NHSL1: variants seen among roughly 807,000 people sequenced by gnomAD.
The protein encoded by NHSL1 is NHS-like protein 1.
Under a neutral mutation model 95.0 loss-of-function variants are expected in NHSL1, and 48 were observed. The ratio of observed to expected loss-of-function variants is 0.51; its 90% CI spans 0.40 to 0.64. The LOEUF is 0.64. Ranked by LOEUF, NHSL1 falls within the 30% of genes least tolerant of loss-of-function variation. The probability of loss-of-function intolerance (pLI) is 0.00; values close to 1 mark genes in which losing one functional copy is unlikely to be tolerated. For synonymous variants in NHSL1, 783 were observed against 833.9 expected, an observed-to-expected ratio of 0.94 and a Z score of 1.05; for missense variants, 1,971 against 2,077.7, an observed-to-expected ratio of 0.95 and a Z score of 1.00.
chr6:138,685,136 T>C (rs1266301899), intron 1 of NHSL1, among the ~76,000 whole-genome samples: 1 of 152,180 alleles, frequency 6.6e-6, no homozygotes, highest in Non-Finnish European at 1.5e-5. Flanking sequence ...TTTGCTATTC[T>C]CGATTTTAAA....
At chr6:138,598,969 A>G (rs1163825676) in intron 1 of NHSL1, among the ~76,000 whole-genome samples, 3 of 152,222 alleles carry the variant, frequency 2.0e-5, no homozygotes, top group South Asian at 2.1e-4. Context: ...CAAGAGTCCA[A>G]GGTCAGAGCT....
intron 1 of NHSL1, among the ~76,000 whole-genome samples, chr6:138,625,000 G>A (rs540905827): frequency 6.6e-6 from 1 of 152,134 alleles, no homozygotes; most frequent in Non-Finnish European, 1.5e-5. Flanking sequence ...GTGTGTGTGA[G>A]AGAGAGATAT....
At chr6:138,625,571 T>C (rs777600537) in intron 1 of NHSL1, among the ~76,000 whole-genome samples, 2 of 151,852 alleles carry the variant, frequency 1.3e-5, no homozygotes, top group Non-Finnish European at 2.9e-5. Flanking sequence ...CTTTATATAT[T>C]CTTGAAGAAT....
At position 138,433,241 on chromosome 6, in the gene NHSL1, G is replaced by A; in HGVS notation, c.1104C>T (p.Gly368=). Residue 368 remains glycine (G), a synonymous_variant, in exon 6 of 8, where the codon GGC becomes GGT. Transcript: ENST00000343505. ...RGHPQADENL[G]HLGGASGTGT... is the part of the protein sequence containing the mutation. ...CAGTCCCTGAGGCACCTCCTAAATG[G>A]CCTAAGTTTTCATCTGCTTGTGGGT... 1 of 1,551,326 alleles carries A rather than the reference G, an allele frequency of 6.4e-7. No homozygotes were observed.
chr6:138,595,034 C>T (rs964429724), intron 1 of NHSL1, among the ~76,000 whole-genome samples: 1 of 152,202 alleles, frequency 6.6e-6, no homozygotes, highest in African/African-American at 2.4e-5. Context: ...TTGCAAGTCA[C>T]TTTAGAAATT....
chr6:138,496,421 G>A (rs941895260), intron 1 of NHSL1, 50 bp from the exon 2 acceptor site: 12 of 1,527,232 alleles, frequency 7.9e-6, no homozygotes, highest in Admixed American at 2.0e-5. Context: ...CATTGGCTAC[G>A]AGTTCATTAC....
In NHSL1 at chr6:138,655,047, C is replaced by T. The variant is rs541225560; in HGVS notation, c.96+37429G>A. On this transcript the variant is annotated intron_variant, in intron 1 of 3. Transcript: ENST00000491526. Reference sequence around the variant, plus strand: ...TATTTGGGGAAACTAAAATCCATAACATATTCACCCACTGAAAGTGGCTAT... The same window carrying T: ...TATTTGGGGAAACTAAAATCCATAATATATTCACCCACTGAAAGTGGCTAT... Among the ~76,000 whole-genome samples, 83 of 152,238 alleles carry T rather than the reference C, an allele frequency of 5.5e-4. 1 individual carries two copies. Among genetic ancestry groups the T allele is most frequent in the African/African-American group, 1.8e-3 (75 of 41,548 alleles).
chr6:138,499,168 G>T, intron 1 of NHSL1, 65 bp downstream of exon 1: 1 of 1,041,986 alleles, frequency 9.6e-7, no homozygotes, highest in Non-Finnish European at 1.4e-6. Context: ...CAGACACACA[G>T]GGACATATAC....
At chr6:138,540,195 C>T (rs73557329) in intron 1 of NHSL1, among the ~76,000 whole-genome samples, 1 of 152,044 alleles carries the variant, frequency 6.6e-6, no homozygotes, top group Admixed American at 6.5e-5. Context: ...GAGGAAAGAA[C>T]CAGGAAGAAT....
At chr6:138,450,152 A>C (rs1777134759) in intron 3 of NHSL1, among the ~76,000 whole-genome samples, 1 of 152,128 alleles carries the variant, frequency 6.6e-6, no homozygotes, top group South Asian at 2.1e-4. Context: ...TGTGACACTT[A>C]AGTTTGATTT....
chr6:138,567,510 C>T (rs1277776154), intron 1 of NHSL1, among the ~76,000 whole-genome samples: 3 of 152,124 alleles, frequency 2.0e-5, no homozygotes, highest in Admixed American at 6.5e-5. Flanking sequence ...GAAACAGGAT[C>T]TTGACTTTTG....
Position 138,653,244 on chromosome 6 carries a change from T to C in NHSL1, c.96+39232A>G, listed in dbSNP as rs56187499. 2.8e-3 allele frequency among the ~76,000 whole-genome samples: 428 copies of C among 152,318 alleles called. 1 individual carries two copies. Among genetic ancestry groups the C allele is most frequent in the Non-Finnish European group, 3.9e-3 (268 of 68,032 alleles). On this transcript the variant is annotated intron_variant, in intron 1 of 3. Transcript: ENST00000491526. ...ACTAGGTGACATGTATTTCTAAGCA[T>C]TTAAGTTCCTCTTAAAAAGCCTTAG...
upstream of NHSL1, among the ~76,000 whole-genome samples, chr6:138,572,900 TC>T (rs149923188): frequency 4.3e-4 from 65 of 152,204 alleles, no homozygotes; most frequent in East Asian, 7.1e-3. Context: ...CATCCAACAT[TC>T]CTAGATGGAT....
At chr6:138,683,877 A>G (rs1785545220) in intron 1 of NHSL1, among the ~76,000 whole-genome samples, 1 of 152,220 alleles carries the variant, frequency 6.6e-6, no homozygotes, top group Non-Finnish European at 1.5e-5. Flanking sequence ...CGTATGGCCA[A>G]TGTCCAGCAT....
intron 1 of NHSL1, among the ~76,000 whole-genome samples, chr6:138,615,022 C>A (rs1784560726): frequency 6.8e-6 from 1 of 147,012 alleles, no homozygotes; most frequent in African/African-American, 2.5e-5. Flanking sequence ...ACAAAGCTGG[C>A]AAATGGCAAA....
chr6:138,673,016 T>C (rs897131011), intron 1 of NHSL1, among the ~76,000 whole-genome samples: 1 of 112,912 alleles, frequency 8.9e-6, no homozygotes, highest in South Asian at 3.5e-4. Flanking sequence ...GTCTCATAGA[T>C]AGCTAGATAG....
chr6:138,552,587 G>C (rs1328222386), intron 1 of NHSL1, among the ~76,000 whole-genome samples: 1 of 152,072 alleles, frequency 6.6e-6, no homozygotes, highest in Non-Finnish European at 1.5e-5. Context: ...TGGCACCCTA[G>C]CTGGCTCTCC....
chr6:138,563,771 G>C (rs1447685116), intron 1 of NHSL1, among the ~76,000 whole-genome samples: 1 of 152,176 alleles, frequency 6.6e-6, no homozygotes, highest in Non-Finnish European at 1.5e-5. Context: ...AGAGAGCATT[G>C]TTAAGGCTTA....
intron 1 of NHSL1, among the ~76,000 whole-genome samples, chr6:138,567,084 A>T (rs1035961488): frequency 4.2e-5 from 6 of 142,224 alleles, no homozygotes; most frequent in Non-Finnish European, 6.0e-5. Context: ...GAAGGAAGCT[A>T]TTTTTTTTTT....
Sources: allele counts gnomAD v4.1 joint callset (sites outside exome capture counted in the v4.1 genomes callset), GRCh38; gene constraint gnomAD v4.1.1; transcripts MANE v1.5; gene names NCBI Gene and HGNC (gene_info 2026-07-23, HGNC 2026-07-21).